The following MYRIP variants were observed in gnomAD, a reference collection of about 807,000 sequenced individuals.
The protein encoded by MYRIP is rab effector MyRIP.
Under a neutral mutation model 98.0 loss-of-function variants are expected in MYRIP, and 49 were observed. That is an observed-to-expected ratio of 0.50 (90% confidence interval 0.40 to 0.63). MYRIP has a LOEUF of 0.63. Among genes scored for constraint, MYRIP ranks in the 30% least tolerant of loss-of-function variants. MYRIP has a pLI of 0.00. For synonymous variants in MYRIP, 404 were observed against 409.5 expected (o/e 0.99, Z 0.16); for missense variants, 1,004 against 1,058.2 (o/e 0.95, Z 0.71).
At chr3:39,834,126 C>T (rs961821556) in intron 1 of MYRIP, among the ~76,000 whole-genome samples, 3 of 152,214 alleles carry the variant, frequency 2.0e-5, no homozygotes, top group African/African-American at 4.8e-5. Flanking sequence ...AACAACCTTC[C>T]CAGCCTTTGG....
chr3:39,876,476 G>A (rs1191068212), intron 1 of MYRIP, among the ~76,000 whole-genome samples: 1 of 152,082 alleles, frequency 6.6e-6, no homozygotes, highest in Non-Finnish European at 1.5e-5. Flanking sequence ...GCAGTGGTTG[G>A]TACCGGTTGT....
intron 2 of MYRIP, among the ~76,000 whole-genome samples, chr3:39,950,516 A>G (rs1401964265): frequency 1.3e-5 from 2 of 152,100 alleles, no homozygotes; most frequent in African/African-American, 2.4e-5. Flanking sequence ...GAATTCTGAG[A>G]TGATTGCTTT....
chr3:40,179,466 C>A (rs1236635378), intron 8 of MYRIP, among the ~76,000 whole-genome samples: 1 of 152,126 alleles, frequency 6.6e-6, no homozygotes, highest in African/African-American at 2.4e-5. Context: ...AAAAGGACCC[C>A]AGCCACCACA....
chr3:40,035,646 A>C (rs1042421996), intron 2 of MYRIP, among the ~76,000 whole-genome samples: 2 of 152,030 alleles, frequency 1.3e-5, no homozygotes, highest in Admixed American at 6.6e-5. Flanking sequence ...GAATGGCACC[A>C]AGGAGAAAAG....
At position 40,161,387 on chromosome 3, in the gene MYRIP, T is replaced by A. The variant is rs895422063; in HGVS notation, c.470-1343T>A. Among the ~76,000 whole-genome samples, 10 of 152,284 alleles carry A rather than the reference T, an allele frequency of 6.6e-5. 1 individual carries two copies. The South Asian group carries it at 8.3e-4, about 13-fold the overall frequency. Reference sequence around the variant, plus strand: ...TCCAAAGACTTTTTCACATCTCCCCTGTCCTTATGTTTCCCACGACCCTCC... The same window carrying A: ...TCCAAAGACTTTTTCACATCTCCCCAGTCCTTATGTTTCCCACGACCCTCC... On this transcript the variant is annotated intron_variant, in intron 4 of 16. Coordinates refer to ENST00000302541, the MANE Select transcript of MYRIP (RefSeq NM_015460.4).
intron 10 of MYRIP, among the ~76,000 whole-genome samples, chr3:40,203,974 ATT>A (rs1214399875): frequency 2.6e-4 from 4 of 15,354 alleles, no homozygotes; most frequent in African/African-American, 6.1e-4. Flanking sequence ...CATTATATAT[ATT>A]ATATATAATA....
chr3:39,925,686 A>G (rs1944406493), intron 2 of MYRIP, among the ~76,000 whole-genome samples: 1 of 152,112 alleles, frequency 6.6e-6, no homozygotes, highest in African/African-American at 2.4e-5. Context: ...GCTGTGTAGT[A>G]TTCAATGATG....
At chr3:39,981,890 C>T (rs1945904818) in intron 2 of MYRIP, among the ~76,000 whole-genome samples, 1 of 151,950 alleles carries the variant, frequency 6.6e-6, no homozygotes, top group Admixed American at 6.6e-5. Context: ...CAGGAAATAT[C>T]AATAGGTTAA....
chr3:40,077,854 A>T (rs889663730), intron 3 of MYRIP, among the ~76,000 whole-genome samples: 2 of 152,222 alleles, frequency 1.3e-5, no homozygotes, highest in African/African-American at 4.8e-5. Context: ...CACCCAGTGG[A>T]TCCCGCACCG....
At chr3:40,213,432 T>A (rs1952021440) in intron 11 of MYRIP, among the ~76,000 whole-genome samples, 1 of 152,170 alleles carries the variant, frequency 6.6e-6, no homozygotes. Context: ...AACAGCTTAG[T>A]GCTGATCCCC....
At chr3:40,051,877 T>C (rs1947801566) in intron 3 of MYRIP, among the ~76,000 whole-genome samples, 2 of 152,124 alleles carry the variant, frequency 1.3e-5, no homozygotes, top group Admixed American at 6.6e-5. Context: ...CTCCACAGTA[T>C]GTTTTATTTA....
chr3:40,123,640 A>G (rs970502782), intron 3 of MYRIP, among the ~76,000 whole-genome samples: 18 of 152,238 alleles, frequency 1.2e-4, no homozygotes, highest in Non-Finnish European at 1.0e-4. Context: ...GATAGGCAGC[A>G]AGGGACAACC....
At chr3:39,980,561 C>T (rs774930236) in intron 2 of MYRIP, among the ~76,000 whole-genome samples, 17 of 152,190 alleles carry the variant, frequency 1.1e-4, no homozygotes, top group Non-Finnish European at 2.2e-4. Flanking sequence ...CAGAGTCAGA[C>T]CCAAATGCCT....
At chr3:39,825,776 T>C (rs564525845) in intron 1 of MYRIP, among the ~76,000 whole-genome samples, 57 of 152,314 alleles carry the variant, frequency 3.7e-4, no homozygotes, top group Admixed American at 9.2e-4. Context: ...CTTTAACAGT[T>C]TGGTAGAATT....
chr3:40,122,181 G>A (rs910629144), intron 3 of MYRIP, among the ~76,000 whole-genome samples: 6 of 151,852 alleles, frequency 4.0e-5, no homozygotes, highest in African/African-American at 1.5e-4. Flanking sequence ...AAAGTGTGAT[G>A]CACATAAAAC....
chr3:39,933,864 C>T (rs1486685038), intron 2 of MYRIP, among the ~76,000 whole-genome samples: 9 of 152,072 alleles, frequency 5.9e-5, no homozygotes, highest in East Asian at 1.9e-4. Flanking sequence ...CAAGATTGAA[C>T]GACTTGCTCA....
At chr3:39,900,207 T>C (rs1203552633) in intron 1 of MYRIP, among the ~76,000 whole-genome samples, 2 of 152,238 alleles carry the variant, frequency 1.3e-5, no homozygotes, top group Non-Finnish European at 2.9e-5. Flanking sequence ...TCTTTGCTGC[T>C]GCTGAGAAAA....
chr3:39,823,018 CTTTTT>C (rs35819968), intron 1 of MYRIP, among the ~76,000 whole-genome samples: 1 of 123,298 alleles, frequency 8.1e-6, no homozygotes, highest in Non-Finnish European at 1.7e-5. Flanking sequence ...TCTTTTCTTC[CTTTTT>C]TTTTTTTTTT....
rs577818039 is a variant in MYRIP at position 40,220,260 on chromosome 3, A to G, written c.1905+10167A>G. 1.2e-3 allele frequency among the ~76,000 whole-genome samples: 190 copies of G among 152,142 alleles called. 1 individual carries two copies. The highest frequency in any genetic ancestry group is 4.4e-3 in the African/African-American group (182 of 41,504). On this transcript the variant is annotated intron_variant, in intron 11 of 16. Transcript: ENST00000302541. ...GCCCTTTGTCAGACGAGTAGGTTGC[A>G]AAAATTTTCTCCCATTTTGTAGGTT...
Sources: allele counts gnomAD v4.1 joint callset (sites outside exome capture counted in the v4.1 genomes callset), GRCh38; gene constraint gnomAD v4.1.1; transcripts MANE v1.5; gene names NCBI Gene and HGNC (gene_info 2026-07-23, HGNC 2026-07-21).